CLEC4A: variants seen among roughly 807,000 people sequenced by gnomAD.
CLEC4A encodes the protein C-type (calcium dependent, carbohydrate-recognition domain) lectin, superfamily member 6.
Under a neutral mutation model 32.7 loss-of-function variants are expected in CLEC4A, and 27 were observed. The ratio of observed to expected loss-of-function variants is 0.83; its 90% confidence interval spans 0.61 to 1.14. CLEC4A has a LOEUF of 1.14. Ranked by LOEUF, CLEC4A falls within the 50% of genes most tolerant of loss-of-function variation. The pLI, the probability that CLEC4A is intolerant of heterozygous loss-of-function variation, is 0.00. For synonymous variants in CLEC4A, 89 were observed against 93.7 expected, an observed-to-expected ratio of 0.95 and a Z score of 0.29; for missense variants, 253 against 274.6, an observed-to-expected ratio of 0.92 and a Z score of 0.55.
At position 8,135,674 on chromosome 12, in the gene CLEC4A, A is replaced by G. The variant is rs1322039301; in HGVS notation, c.388A>G (p.Ser130Gly). The change falls in exon 4 of 6, where the codon AGT becomes GGT. Residue 130 changes from serine to glycine, a missense_variant. By Grantham distance (56) the Ser-to-Gly change is moderately conservative (BLOSUM62 0). Transcript: ENST00000229332. Reference protein sequence around the residue: ...ISTESASWQDSEKDCARMEAH... With the variant: ...ISTESASWQDGEKDCARMEAH... ...TACTGAATCAGCATCTTGGCAAGAC[A>G]GTGAGAAGGACTGTGCTAGAATGGA... The G allele has an allele frequency of 6.2e-7, 1 of 1,614,246 alleles. No homozygotes were observed. Among genetic ancestry groups the G allele is most frequent in the Non-Finnish European group, 8.5e-7 (1 of 1,180,024 alleles).
intron 3 of CLEC4A, 144 bp downstream of exon 3, chr12:8,129,506 G>A (rs1282297542): frequency 1.5e-6 from 1 of 661,174 alleles, no homozygotes; most frequent in African/African-American, 1.8e-5. Context: ...CAAATATCTA[G>A]GACATGCTGG....
chr12:8,125,628 G>A lies in CLEC4A; in HGVS notation c.150G>A (p.Leu50=), dbSNP rs751245632. 2 of 1,613,494 alleles carry A rather than the reference G, an allele frequency of 1.2e-6. No homozygotes were observed. Among genetic ancestry groups the A allele is most frequent in the East Asian group, 2.2e-5 (1 of 44,858 alleles). Residue 50 remains leucine (L), a synonymous_variant, in exon 2 of 6, where the codon CTG becomes CTA. Coordinates refer to ENST00000229332, the MANE Select transcript of CLEC4A (RefSeq NM_016184.4). ...TGFPKLLCAS[L]LIFFLLLAIS... is the part of the protein sequence containing the mutation. Reference sequence around the variant, plus strand: ...TCCCCAAGCTGCTTTGTGCCTCACTGTTGATATTTTTCCTGCTATTGGCAA... The same window carrying A: ...TCCCCAAGCTGCTTTGTGCCTCACTATTGATATTTTTCCTGCTATTGGCAA...
At chr12:8,132,610 T>C (rs1038314923) in intron 3 of CLEC4A, among the ~76,000 whole-genome samples, 6 of 152,204 alleles carry the variant, frequency 3.9e-5, no homozygotes, top group African/African-American at 1.4e-4. Context: ...GAATGGGTAT[T>C]CTGTTGTTGG....
At position 8,125,701 on chromosome 12, in the gene CLEC4A, A is replaced by G. The variant is rs1285216349; in HGVS notation, c.199+24A>G. The G allele has an allele frequency of 3.0e-6, 4 of 1,327,120 alleles. No individual in the cohort carries two copies. The Admixed American group carries it at 5.0e-5, about 17-fold the overall frequency. 82.2% of individuals were successfully genotyped at this position (1,327,120 alleles called of 1,614,324 possible). A position where few individuals can be genotyped will look rare whatever the true frequency, so the allele number is the denominator to read the frequency against. ...CAGTAAGTATGCCAACTGAACCAATAAGCAATATCTGCTGTCCATGAACAG... is the reference window on the plus strand; with the variant it reads ...CAGTAAGTATGCCAACTGAACCAATGAGCAATATCTGCTGTCCATGAACAG... On this transcript the variant is annotated intron_variant, in intron 2 of 5. Transcript: ENST00000229332.
intron 5 of CLEC4A, 60 bp from the exon 6 acceptor site, chr12:8,138,080 C>G: frequency 6.4e-7 from 1 of 1,562,622 alleles, no homozygotes; most frequent in Non-Finnish European, 8.7e-7. Flanking sequence ...TCACCCCTGT[C>G]TCTAACCCTT....
the CLEC4A span, among the ~76,000 whole-genome samples, chr12:8,103,535 G>A: frequency 7.3e-5 from 11 of 151,680 alleles, no homozygotes; most frequent in Non-Finnish European, 1.0e-4. Context: ...ACAGGGGCAC[G>A]CCACCACGCC....
upstream of CLEC4A, among the ~76,000 whole-genome samples, chr12:8,119,584 T>C (rs1947814779): frequency 6.6e-6 from 1 of 152,218 alleles, no homozygotes; most frequent in African/African-American, 2.4e-5. Flanking sequence ...AAAAAATCTT[T>C]AAAAATAAAA....
chr12:8,117,056 A>G, the CLEC4A span, among the ~76,000 whole-genome samples: 2 of 152,158 alleles, frequency 1.3e-5, no homozygotes, highest in Admixed American at 1.3e-4. Context: ...TACAAGCAAT[A>G]AAGAATTCTT....
the CLEC4A span, among the ~76,000 whole-genome samples, chr12:8,103,371 C>CTTT: frequency 8.2e-5 from 4 of 49,022 alleles, 1 homozygote; most frequent in South Asian, 6.9e-4. Flanking sequence ...TTGTTTCTTT[C>CTTT]TGTTGTTTTT....
chr12:8,137,486 T>G (rs1948142933), intron 5 of CLEC4A, among the ~76,000 whole-genome samples: 1 of 152,186 alleles, frequency 6.6e-6, no homozygotes, highest in South Asian at 2.1e-4. Flanking sequence ...AAATGCTAAA[T>G]TCTGATAATC....
At chr12:8,110,757 T>C in the CLEC4A span, among the ~76,000 whole-genome samples, 517 of 152,332 alleles carry the variant, frequency 3.4e-3, 1 homozygote, top group African/African-American at 0.012. Context: ...TGTCACATGA[T>C]AAAGACATGA....
intron 2 of CLEC4A, among the ~76,000 whole-genome samples, chr12:8,126,361 T>C (rs1470545753): frequency 6.9e-6 from 1 of 144,344 alleles, no homozygotes; most frequent in African/African-American, 2.6e-5. Flanking sequence ...TGCATCACTA[T>C]GCTCAGCTAA....
At chr12:8,103,455 C>T in the CLEC4A span, among the ~76,000 whole-genome samples, 10 of 128,524 alleles carry the variant, frequency 7.8e-5, no homozygotes, top group Admixed American at 7.8e-4. Context: ...GGCATGATCT[C>T]GGCTCACTGC....
At chr12:8,131,301 G>GTCCACACT (rs1189756623) in intron 3 of CLEC4A, among the ~76,000 whole-genome samples, 1 of 152,202 alleles carries the variant, frequency 6.6e-6, no homozygotes, top group Non-Finnish European at 1.5e-5. Context: ...GGAAGGTTCA[G>GTCCACACT]TCCACACTTA....
Position 8,132,307 on chromosome 12 carries a change from G to A in CLEC4A, c.298+2945G>A, listed in dbSNP as rs374293054. 1.1e-4 allele frequency among the ~76,000 whole-genome samples: 16 copies of A among 152,232 alleles called. No individual in the cohort carries two copies. The South Asian group carries it at 2.9e-3, about 28-fold the overall frequency. ...TGAGGAGCCCTAGTTCCTTTGATTGGAGAATAGTGTCCTATGAAATTTGAT... is the reference window on the plus strand; with the variant it reads ...TGAGGAGCCCTAGTTCCTTTGATTGAAGAATAGTGTCCTATGAAATTTGAT... On this transcript the variant is annotated intron_variant, in intron 3 of 5. Coordinates refer to ENST00000229332, the MANE Select transcript of CLEC4A (RefSeq NM_016184.4).
intron 3 of CLEC4A, among the ~76,000 whole-genome samples, chr12:8,132,721 A>G (rs1232893405): frequency 6.6e-6 from 1 of 152,170 alleles, no homozygotes; most frequent in Admixed American, 6.5e-5. Flanking sequence ...AATGGTTGAG[A>G]GAGAGGTGTT....
chr12:8,114,827 G>C, the CLEC4A span, among the ~76,000 whole-genome samples: 1 of 152,128 alleles, frequency 6.6e-6, no homozygotes, highest in Non-Finnish European at 1.5e-5. Flanking sequence ...ACTCCAGTTA[G>C]ATGACTCTCA....
chr12:8,123,752 T>A lies in CLEC4A; in HGVS notation c.-127T>A. On this transcript the variant is annotated 5_prime_UTR_variant, in exon 1 of 6. Transcript: ENST00000229332. Reference sequence around the variant, plus strand: ...TGAGGATATGTGCCTATCTGGTGCCTCTGCTCTCCACTAGTTGAGTGAAAG... The same window carrying A: ...TGAGGATATGTGCCTATCTGGTGCCACTGCTCTCCACTAGTTGAGTGAAAG... The A allele has an allele frequency of 1.5e-6, 1 of 655,858 alleles. No individual in the cohort carries two copies. The highest frequency in any genetic ancestry group is 2.7e-6 in the Non-Finnish European group (1 of 365,432). 40.6% of individuals were successfully genotyped at this position (655,858 alleles called of 1,614,324 possible). A position where few individuals can be genotyped will look rare whatever the true frequency, so the allele number is the denominator to read the frequency against.
At chr12:8,105,091 A>G in the CLEC4A span, among the ~76,000 whole-genome samples, 1 of 152,158 alleles carries the variant, frequency 6.6e-6, no homozygotes, top group African/African-American at 2.4e-5. Flanking sequence ...TCCTTTGGGT[A>G]TATACCCAAT....
Sources: gnomAD v4.1 joint callset for allele counts (sites outside exome capture counted in the v4.1 genomes callset) on GRCh38, gnomAD v4.1.1 for gene constraint, MANE v1.5 for transcripts, NCBI Gene and HGNC (gene_info 2026-07-23, HGNC 2026-07-21) for gene names.